CPS1: variants seen among roughly 807,000 people sequenced by gnomAD.
The protein encoded by CPS1 is carbamoyl-phosphate synthase [ammonia], mitochondrial.
In CPS1, 109 loss-of-function variants were observed where a neutral mutation model predicts 174.6. The ratio of observed to expected loss-of-function variants is 0.62; its 90% CI spans 0.53 to 0.73. The LOEUF (loss-of-function observed/expected upper bound fraction) is 0.73. CPS1 is among the 30% of genes least tolerant of loss of function. CPS1 has a pLI of 0.00. For synonymous variants in CPS1, 637 were observed against 632.0 expected, an observed-to-expected ratio of 1.01 and a Z score of -0.12; for missense variants, 1,689 against 1,821.9, an observed-to-expected ratio of 0.93 and a Z score of 1.33.
chr2:210,630,903 CAA>C (rs970771330), intron 21 of CPS1, among the ~76,000 whole-genome samples: 3 of 151,918 alleles, frequency 2.0e-5, no homozygotes, highest in African/African-American at 4.8e-5. Flanking sequence ...GTAAAAAACT[CAA>C]GAGAGAGGCT....
intron 1 of CPS1, among the ~76,000 whole-genome samples, chr2:210,571,617 T>A (rs1221940838): frequency 1.3e-5 from 2 of 152,064 alleles, no homozygotes; most frequent in East Asian, 1.9e-4. Flanking sequence ...AGTATATTGG[T>A]TTAAAGGTAA....
intron 11 of CPS1, among the ~76,000 whole-genome samples, chr2:210,594,030 G>A (rs933873362): frequency 1.3e-5 from 2 of 151,762 alleles, no homozygotes; most frequent in Non-Finnish European, 2.9e-5. Context: ...ATTCTTTGTT[G>A]TAATTTGTCA....
Position 210,612,272 on chromosome 2 carries a change from G to A in CPS1, c.2547G>A (p.Thr849=), listed in dbSNP as rs371426184. Residue 849 remains threonine, a synonymous_variant, in exon 20 of 38, where the codon ACG becomes ACA. Transcript: ENST00000233072. ...LRKELSEPSS[T]RIYAIAKAID... is the part of the protein sequence containing the mutation. ...AAGAGTTGTCTGAACCAAGCAGCAC[G>A]CGTATCTATGCCATTGCCAAGGTAA... 22 of 1,611,888 alleles carry A rather than the reference G, an allele frequency of 1.4e-5. No individual in the cohort carries two copies. Among genetic ancestry groups the A allele is most frequent in the African/African-American group, 6.7e-5 (5 of 74,864 alleles).
chr2:210,617,252 C>A (rs56139073), intron 21 of CPS1, among the ~76,000 whole-genome samples: 2,445 of 152,096 alleles, frequency 0.016, 65 homozygotes, highest in African/African-American at 0.056. Context: ...CATCTATCTT[C>A]AATAAGAGGA....
At chr2:210,635,415 A>G (rs1040619498) in intron 21 of CPS1, among the ~76,000 whole-genome samples, 1 of 152,048 alleles carries the variant, frequency 6.6e-6, no homozygotes, top group African/African-American at 2.4e-5. Flanking sequence ...TTGTTTCCTT[A>G]TCTTCTGGGG....
intron 1 of CPS1, among the ~76,000 whole-genome samples, chr2:210,559,927 T>TA (rs997020086): frequency 4.6e-5 from 7 of 151,636 alleles, no homozygotes; most frequent in African/African-American, 7.3e-5. Context: ...ACTGGATATT[T>TA]AAAAAAAAAT....
intron 33 of CPS1, among the ~76,000 whole-genome samples, chr2:210,666,152 T>C (rs1289022294): frequency 6.6e-6 from 1 of 152,048 alleles, no homozygotes; most frequent in Non-Finnish European, 1.5e-5. Context: ...TCATATCCTT[T>C]GCTCACTTTT....
At chr2:210,491,323 T>G (rs1430375796) in intron 1 of CPS1, among the ~76,000 whole-genome samples, 2 of 129,204 alleles carry the variant, frequency 1.5e-5, no homozygotes, top group East Asian at 4.5e-4. Flanking sequence ...TTTTTTTTTT[T>G]TTTTTTTTTT....
intron 31 of CPS1, 133 bp from the exon 32 acceptor site, chr2:210,660,352 A>C (rs1032965565): frequency 2.4e-5 from 21 of 877,238 alleles, no homozygotes; most frequent in Non-Finnish European, 3.4e-5. Flanking sequence ...GTAAGGAGAA[A>C]AGAGACAAGA....
intron 11 of CPS1, among the ~76,000 whole-genome samples, chr2:210,594,256 T>C (rs961065564): frequency 2.0e-5 from 3 of 151,990 alleles, no homozygotes; most frequent in African/African-American, 7.2e-5. Flanking sequence ...TCTCAGAAGG[T>C]ATCTGATATG....
chr2:210,485,240 A>AT (rs1694683509), intron 1 of CPS1, among the ~76,000 whole-genome samples: 1 of 116,226 alleles, frequency 8.6e-6, no homozygotes, highest in African/African-American at 2.7e-5. Context: ...TCAAAAAAAA[A>AT]AAAAATAAAA....
At chr2:210,662,377 G>A (rs1232524825) in intron 32 of CPS1, among the ~76,000 whole-genome samples, 4 of 152,260 alleles carry the variant, frequency 2.6e-5, no homozygotes, top group African/African-American at 9.6e-5. Flanking sequence ...TATGTAACTT[G>A]ACCAAGATGA....
chr2:210,516,558 T>C (rs193021224), intron 1 of CPS1, among the ~76,000 whole-genome samples: 8 of 152,078 alleles, frequency 5.3e-5, no homozygotes, highest in Admixed American at 4.6e-4. Flanking sequence ...GCATATCTGA[T>C]CATATTACTT....
At chr2:210,499,367 C>G (rs1275286386) in intron 1 of CPS1, among the ~76,000 whole-genome samples, 1 of 152,126 alleles carries the variant, frequency 6.6e-6, no homozygotes, top group Non-Finnish European at 1.5e-5. Context: ...TCTCCTCATC[C>G]AGGAGAAACT....
chr2:210,630,792 T>C (rs992973514), intron 21 of CPS1, among the ~76,000 whole-genome samples: 1 of 152,220 alleles, frequency 6.6e-6, no homozygotes, highest in African/African-American at 2.4e-5. Context: ...ACTTGTCTCC[T>C]TGAATGAAGA....
At chr2:210,625,015 CG>C (rs1426812202) in intron 21 of CPS1, among the ~76,000 whole-genome samples, 1 of 151,872 alleles carries the variant, frequency 6.6e-6, no homozygotes, top group African/African-American at 2.4e-5. Context: ...CTGAACTAAG[CG>C]TGATGGGATA....
chr2:210,671,426 G>T (rs540666316), intron 34 of CPS1, among the ~76,000 whole-genome samples: 1 of 152,270 alleles, frequency 6.6e-6, no homozygotes, highest in South Asian at 2.1e-4. Context: ...CTGTAGCCAG[G>T]AGTTGGATAA....
intron 1 of CPS1, among the ~76,000 whole-genome samples, chr2:210,480,427 G>C (rs898029061): frequency 2.0e-5 from 3 of 152,192 alleles, no homozygotes; most frequent in Non-Finnish European, 4.4e-5. Context: ...TCCAATACAT[G>C]ATGGCAGTTT....
intron 1 of CPS1, among the ~76,000 whole-genome samples, chr2:210,484,065 A>C (rs1694649203): frequency 6.6e-6 from 1 of 152,190 alleles, no homozygotes; most frequent in Non-Finnish European, 1.5e-5. Flanking sequence ...AATGTGCATA[A>C]ATGTTATGTC....
Sources: allele counts gnomAD v4.1 joint callset (sites outside exome capture counted in the v4.1 genomes callset), GRCh38; gene constraint gnomAD v4.1.1; transcripts MANE v1.5; gene names NCBI Gene and HGNC (gene_info 2026-07-23, HGNC 2026-07-21).